GPRC5D: variants seen among roughly 807,000 people sequenced by gnomAD.
GPRC5D encodes the protein G protein-coupled receptor family C group 5 member D.
A neutral mutation model predicts 29.3 loss-of-function variants in GPRC5D; 20 were observed. The ratio of observed to expected loss-of-function variants is 0.68; its 90% confidence interval spans 0.48 to 0.99. The LOEUF is 0.99. Ranked by LOEUF, GPRC5D falls within the 50% of genes least tolerant of loss-of-function variation. The probability of loss-of-function intolerance (pLI) is 0.00; values close to 1 mark genes in which losing one functional copy is unlikely to be tolerated. For synonymous variants in GPRC5D, 178 were observed against 171.3 expected, an observed-to-expected ratio of 1.04 and a Z score of -0.30; for missense variants, 384 against 423.6, an observed-to-expected ratio of 0.91 and a Z score of 0.82.
intron 1 of GPRC5D, among the ~76,000 whole-genome samples, chr12:12,944,773 C>A (rs1466852501): frequency 9.4e-5 from 3 of 31,780 alleles, no homozygotes; most frequent in African/African-American, 1.7e-4. Flanking sequence ...TCCTTCCTTT[C>A]TTCCTTCCTT....
chr12:12,949,502 C>T (rs1351319178), exon 1 of GPRC5D: 3 of 1,613,096 alleles, frequency 1.9e-6, no homozygotes, highest in African/African-American at 1.3e-5. Context: ...CTGGAGAGCT[C>T]CTGGTTCTCC....
At chr12:12,944,819 TTCCTTCCTTCCTTCCTTCC>T (rs1565477079) in intron 1 of GPRC5D, among the ~76,000 whole-genome samples, 11 of 9,554 alleles carry the variant, frequency 1.2e-3, no homozygotes, top group Non-Finnish European at 1.9e-3. Flanking sequence ...CCTTCCTTCC[TTCCTTCCTTCCTTCCTTCC>T]TTCCTTCCTT....
chr12:12,944,748 C>A (rs527820621), intron 1 of GPRC5D, among the ~76,000 whole-genome samples: 2 of 46,498 alleles, frequency 4.3e-5, no homozygotes, highest in Non-Finnish European at 8.4e-5. Flanking sequence ...TTTCTTCCTT[C>A]CTTCCTTCCT....
At chr12:12,947,098 A>G (rs1863367845) in intron 1 of GPRC5D, 1 of 152,144 alleles carries the variant, frequency 6.6e-6, no homozygotes, top group African/African-American at 2.4e-5. Context: ...AACTTCCCAC[A>G]CTTCTCATTA....
upstream of GPRC5D, chr12:12,952,034 G>A (rs1349391897): frequency 6.6e-6 from 1 of 151,942 alleles, no homozygotes; most frequent in Non-Finnish European, 1.5e-5. Flanking sequence ...CTTCCCTTCA[G>A]TTATCCCCAG....
chr12:12,940,798 G>C (rs1435521435), exon 3 of GPRC5D: 1 of 1,606,164 alleles, frequency 6.2e-7, no homozygotes, highest in African/African-American at 1.3e-5. Context: ...GCATCTTGCT[G>C]GGGGCTTAGT....
chr12:12,946,370 CT>C (rs1213269287), intron 1 of GPRC5D, among the ~76,000 whole-genome samples: 126 of 125,400 alleles, frequency 1.0e-3, no homozygotes, highest in African/African-American at 3.5e-3. Flanking sequence ...TCTTTCTTTT[CT>C]TTCTTTCTTT....
chr12:12,946,398 CTCT>C (rs1453536450), intron 1 of GPRC5D, among the ~76,000 whole-genome samples: 3 of 50,586 alleles, frequency 5.9e-5, no homozygotes, highest in Non-Finnish European at 2.0e-4. Context: ...TTCTCTCTCT[CTCT>C]TCTTCTCTCT....
chr12:12,944,814 C>T (rs766785457), intron 1 of GPRC5D, among the ~76,000 whole-genome samples: 8,920 of 17,426 alleles, frequency 0.51, 2,902 homozygotes, highest in Non-Finnish European at 0.69. Context: ...TCCTTCCTTC[C>T]TTCCTTCCTT....
At chr12:12,943,523 G>A (rs905499048) in intron 1 of GPRC5D, among the ~76,000 whole-genome samples, 4 of 152,276 alleles carry the variant, frequency 2.6e-5, no homozygotes, top group African/African-American at 7.2e-5. Context: ...GTTATATAAA[G>A]TCCTTGGAAC....
chr12:12,944,857 C>CTT (rs1311203956), intron 1 of GPRC5D, among the ~76,000 whole-genome samples: 2 of 84,462 alleles, frequency 2.4e-5, no homozygotes, highest in Admixed American at 1.4e-4. Flanking sequence ...TTCCTTCTTT[C>CTT]TTTCTTTCTT....
At chr12:12,941,572 G>A (rs997166841) in intron 2 of GPRC5D, among the ~76,000 whole-genome samples, 2 of 152,176 alleles carry the variant, frequency 1.3e-5, no homozygotes, top group African/African-American at 4.8e-5. Flanking sequence ...AATGATCTGA[G>A]GGTGGCTTTC....
chr12:12,942,371 T>G (rs1429538402), intron 1 of GPRC5D, 43 bp from the exon 3 acceptor site: 2 of 1,296,946 alleles, frequency 1.5e-6, no homozygotes, highest in South Asian at 2.4e-5. Context: ...TGTCCGAGAG[T>G]CAATCGGAAA....
chr12:12,942,463 G>T, intron 1 of GPRC5D, 135 bp from the exon 3 acceptor site: 1 of 637,102 alleles, frequency 1.6e-6, no homozygotes, highest in Non-Finnish European at 2.8e-6. Context: ...GGCTGGGCAC[G>T]GTGGCTCACG....
intron 1 of GPRC5D, among the ~76,000 whole-genome samples, chr12:12,944,842 CTTCCTTCCTTCTTTCTTTCT>C (rs1421543278): frequency 4.0e-3 from 98 of 24,666 alleles, no homozygotes; most frequent in African/African-American, 8.8e-3. Context: ...TCCTTCCTTC[CTTCCTTCCTTCTTTCTTTCT>C]TTCTTTCTTT....
chr12:12,948,487 A>T (rs1863409221), intron 1 of GPRC5D: 1 of 154,390 alleles, frequency 6.5e-6, no homozygotes, highest in Admixed American at 6.5e-5. Context: ...GCTTATGTGA[A>T]TTTTTTTGAG....
intron 1 of GPRC5D, among the ~76,000 whole-genome samples, chr12:12,943,748 C>G (rs1295408841): frequency 6.6e-6 from 1 of 152,222 alleles, no homozygotes; most frequent in Non-Finnish European, 1.5e-5. Flanking sequence ...AAGGCTCCTT[C>G]ACACTCAGTC....
upstream of GPRC5D, chr12:12,950,579 GGC>G: frequency 6.9e-6 from 4 of 578,170 alleles, no homozygotes; most frequent in Non-Finnish European, 1.2e-5. Flanking sequence ...GGCTGAGGCG[GGC>G]CGATCACTTG....
intron 1 of GPRC5D, among the ~76,000 whole-genome samples, chr12:12,949,261 A>G (rs1055598251): frequency 6.6e-6 from 1 of 152,216 alleles, no homozygotes; most frequent in East Asian, 1.9e-4. Context: ...TGATTCATGT[A>G]TGTCTTGGTC....
Sources: gnomAD v4.1 joint callset for allele counts (sites outside exome capture counted in the v4.1 genomes callset) on GRCh38, gnomAD v4.1.1 for gene constraint, MANE v1.5 for transcripts, NCBI Gene and HGNC (gene_info 2026-07-23, HGNC 2026-07-21) for gene names.